Variants in TTC28 observed in about 807,000 individuals in gnomAD.
TTC28 encodes the protein tetratricopeptide repeat protein 28.
A neutral mutation model predicts 198.0 loss-of-function variants in TTC28; 61 were observed. The observed-to-expected ratio is 0.31, with a 90% confidence interval of 0.25 to 0.38. The LOEUF (loss-of-function observed/expected upper bound fraction) is 0.38, where lower values mean the gene tolerates loss of function less well. TTC28 is among the 10% of genes least tolerant of loss of function. The probability of loss-of-function intolerance (pLI) is 1.00; values close to 1 mark genes in which losing one functional copy is unlikely to be tolerated. For missense variants in TTC28, 2,678 were observed against 3,164.0 expected (o/e 0.85, Z 3.69); for synonymous variants, 1,171 against 1,297.8 (o/e 0.90, Z 2.10).
intron 2 of TTC28, among the ~76,000 whole-genome samples, chr22:28,416,610 C>A (rs924266224): frequency 2.6e-5 from 4 of 152,114 alleles, no homozygotes; most frequent in African/African-American, 9.7e-5. Context: ...CTTACTGCTT[C>A]AATAAAACAT....
chr22:28,231,539 C>T (rs1402782773), intron 5 of TTC28, among the ~76,000 whole-genome samples: 2 of 152,156 alleles, frequency 1.3e-5, no homozygotes, highest in African/African-American at 2.4e-5. Flanking sequence ...ACAAGAGTGG[C>T]TCATGTCTGT....
intron 13 of TTC28, among the ~76,000 whole-genome samples, chr22:28,018,252 T>TGC: frequency 7.9e-6 from 1 of 127,210 alleles, no homozygotes; most frequent in Non-Finnish European, 1.6e-5. Flanking sequence ...TCAGTGTGTG[T>TGC]GTGTGTGTGT....
intron 2 of TTC28, among the ~76,000 whole-genome samples, chr22:28,555,271 G>T (rs1166256082): frequency 6.6e-6 from 1 of 152,130 alleles, no homozygotes; most frequent in Non-Finnish European, 1.5e-5. Context: ...CAATCACTAG[G>T]GAAAACAGTG....
intron 2 of TTC28, among the ~76,000 whole-genome samples, chr22:28,466,514 T>C (rs989093116): frequency 1.3e-5 from 2 of 152,016 alleles, no homozygotes; most frequent in African/African-American, 4.8e-5. Flanking sequence ...TCTAAAGAAA[T>C]CACACAGAGT....
chr22:28,187,885 G>A (rs1400941010), intron 5 of TTC28, among the ~76,000 whole-genome samples: 2 of 152,154 alleles, frequency 1.3e-5, no homozygotes, highest in African/African-American at 4.8e-5. Context: ...GTTCAAAGGC[G>A]ATCAGCCTCA....
At chr22:28,109,852 C>T (rs890372361) in intron 6 of TTC28, among the ~76,000 whole-genome samples, 4 of 152,136 alleles carry the variant, frequency 2.6e-5, no homozygotes, top group Non-Finnish European at 5.9e-5. Flanking sequence ...CCTACAGAAG[C>T]CCCAAAAGTC....
intron 5 of TTC28, among the ~76,000 whole-genome samples, chr22:28,173,310 T>C (rs1222378145): frequency 6.6e-6 from 1 of 152,132 alleles, no homozygotes; most frequent in Non-Finnish European, 1.5e-5. Flanking sequence ...GAAGACCCAC[T>C]ATCTATGGGG....
intron 2 of TTC28, among the ~76,000 whole-genome samples, chr22:28,523,185 CA>C (rs1290769629): frequency 6.6e-6 from 1 of 151,718 alleles, no homozygotes; most frequent in Non-Finnish European, 1.5e-5. Flanking sequence ...AAACACAAAC[CA>C]AAAGAAAGCT....
intron 5 of TTC28, among the ~76,000 whole-genome samples, chr22:28,249,024 T>A (rs989093814): frequency 2.0e-5 from 3 of 152,106 alleles, no homozygotes; most frequent in Non-Finnish European, 4.4e-5. Context: ...AATCCCTCGA[T>A]TTGTACTGTA....
intron 5 of TTC28, among the ~76,000 whole-genome samples, chr22:28,288,097 G>A (rs1442088290): frequency 1.3e-5 from 2 of 151,958 alleles, no homozygotes; most frequent in Non-Finnish European, 2.9e-5. Flanking sequence ...AATAACAATA[G>A]TATCCCTTTT....
At chr22:28,122,110 C>T (rs892128175) in intron 6 of TTC28, among the ~76,000 whole-genome samples, 4 of 152,162 alleles carry the variant, frequency 2.6e-5, no homozygotes, top group South Asian at 2.1e-4. Context: ...TCAAGTGATC[C>T]GCCATCCTTG....
In TTC28 at chr22:28,001,662, A is replaced by AG. The variant is rs1346047629; in HGVS notation, c.4219-110dup. 3 of 1,324,938 alleles carry AG rather than the reference A, an allele frequency of 2.3e-6. No individual in the cohort carries two copies. The African/African-American group carries it at 4.4e-5, about 19-fold the overall frequency. The allele number at this position is 1,324,938 out of a possible 1,614,324, so 82.1% of individuals were successfully genotyped here. ...TGGATGACACAAGCACGAGCAGGTG[A>AG]GGCCTGTGGGGGTGTGGGGCGCCAT... On this transcript the variant is annotated intron_variant, in intron 14 of 22. Transcript: ENST00000397906.
chr22:28,651,912 T>G (rs916681717), intron 1 of TTC28, among the ~76,000 whole-genome samples: 1 of 151,842 alleles, frequency 6.6e-6, no homozygotes, highest in African/African-American at 2.4e-5. Context: ...GGGTCTTGGC[T>G]CTCTGCAACC....
intron 2 of TTC28, among the ~76,000 whole-genome samples, chr22:28,371,383 G>C (rs1488214468): frequency 6.8e-6 from 1 of 147,392 alleles, no homozygotes; most frequent in Non-Finnish European, 1.5e-5. Context: ...GGTGGCACTT[G>C]CCTGTAGTCC....
At chr22:28,564,858 A>AT (rs999529376) in intron 2 of TTC28, among the ~76,000 whole-genome samples, 1 of 147,592 alleles carries the variant, frequency 6.8e-6, no homozygotes, top group Non-Finnish European at 1.5e-5. Flanking sequence ...TTTTATATAT[A>AT]TTTTATATAT....
At chr22:28,462,909 C>T (rs1049924671) in intron 2 of TTC28, among the ~76,000 whole-genome samples, 3 of 152,118 alleles carry the variant, frequency 2.0e-5, no homozygotes, top group Non-Finnish European at 4.4e-5. Context: ...TTGAGAAATA[C>T]TAGATTAGGC....
At position 28,528,140 on chromosome 22, in the gene TTC28, A is replaced by C. The variant is rs2145887115; in HGVS notation, c.381+101412T>G. ...ACCACAGCAATGGGGTAGAATGAAAAGCACAGGAAATGAGACATTTTTGAG... is the reference window on the plus strand; with the variant it reads ...ACCACAGCAATGGGGTAGAATGAAACGCACAGGAAATGAGACATTTTTGAG... On this transcript the variant is annotated intron_variant, in intron 2 of 22. Coordinates refer to ENST00000397906, the MANE Select transcript of TTC28 (RefSeq NM_001145418.2). Among the ~76,000 whole-genome samples the C allele has an allele frequency of 2.0e-5, 3 of 152,356 alleles. No homozygotes were observed. The South Asian group carries it at 6.2e-4, about 32-fold the overall frequency.
chr22:28,154,692 T>G (rs559312485), intron 6 of TTC28, among the ~76,000 whole-genome samples: 1 of 152,290 alleles, frequency 6.6e-6, no homozygotes, highest in East Asian at 1.9e-4. Flanking sequence ...ATATTAACAT[T>G]ATTTTCACAA....
intron 6 of TTC28, among the ~76,000 whole-genome samples, chr22:28,153,239 A>C (rs541014924): frequency 6.6e-6 from 1 of 152,042 alleles, no homozygotes; most frequent in Admixed American, 6.5e-5. Flanking sequence ...ACTGTAAATA[A>C]GAGGAATAAT....
Sources: gnomAD v4.1 joint callset for allele counts (sites outside exome capture counted in the v4.1 genomes callset) on GRCh38, gnomAD v4.1.1 for gene constraint, MANE v1.5 for transcripts, NCBI Gene and HGNC (gene_info 2026-07-23, HGNC 2026-07-21) for gene names.